TOGARAM2: variants seen among roughly 807,000 people sequenced by gnomAD.
TOGARAM2 encodes the protein TOG array regulator of axonemal microtubules protein 2.
A neutral mutation model predicts 93.3 loss-of-function variants in TOGARAM2; 85 were observed. That is an observed-to-expected ratio of 0.91 (90% CI 0.76 to 1.09). The LOEUF (loss-of-function observed/expected upper bound fraction) is 1.09, where lower values mean the gene tolerates loss of function less well. Among genes scored for constraint, TOGARAM2 ranks in the 50% least tolerant of loss-of-function variants. The probability of loss-of-function intolerance (pLI) is 0.00; values close to 1 mark genes in which losing one functional copy is unlikely to be tolerated. For missense variants in TOGARAM2, 1,277 were observed against 1,334.5 expected (o/e 0.96, Z 0.67); for synonymous variants, 593 against 552.8 (o/e 1.07, Z -1.02).
At chr2:29,032,744 T>C in intron 14 of TOGARAM2, 190 bp from the exon 15 acceptor site, 1 of 528,804 alleles carries the variant, frequency 1.9e-6, no homozygotes, top group Non-Finnish European at 3.3e-6. Flanking sequence ...ATAGGGATTT[T>C]CTCTTGGTAA....
chr2:29,027,037 G>C (rs11884174), intron 14 of TOGARAM2, 26 bp downstream of exon 14: 331,660 of 1,526,456 alleles, frequency 0.22, 37,699 homozygotes, highest in Middle Eastern at 0.27. Context: ...GGGCCTGGGG[G>C]CAGAGAAGGC....
chr2:29,048,678 CT>C lies in TOGARAM2; in HGVS notation c.2723-3060del, dbSNP rs527610174. The C allele has an allele frequency of 5.5e-3, 717 of 129,454 alleles. 3 individuals carry two copies. Among genetic ancestry groups the C allele is most frequent in the East Asian group, 0.031 (143 of 4,580 alleles). 8.0% of individuals were successfully genotyped at this position (129,454 alleles called of 1,614,324 possible). On this transcript the variant is annotated intron_variant, in intron 19 of 19. Coordinates refer to ENST00000379558, the MANE Select transcript of TOGARAM2 (RefSeq NM_199280.4). ...TGTAGCGGGTGTCAGAATTTCCTTC[CT>C]TTTTTTTTTTTTTTTTTCAGAGAGA...
chr2:29,048,845 ATTT>A (rs35220823), intron 19 of TOGARAM2: 10 of 98,640 alleles, frequency 1.0e-4, no homozygotes, highest in Admixed American at 4.7e-4. Flanking sequence ...CACCCAGCTA[ATTT>A]TTTTTTTTTT....
Position 29,036,569 on chromosome 2 carries a change from A to G in TOGARAM2, c.2447A>G (p.Gln816Arg). 1 of 1,614,012 alleles carries G rather than the reference A, an allele frequency of 6.2e-7. No individual in the cohort carries two copies. Among genetic ancestry groups the G allele is most frequent in the Non-Finnish European group, 8.5e-7 (1 of 1,179,890 alleles). The change falls in exon 18 of 20, where the codon CAG becomes CGG. Residue 816 changes from glutamine to arginine, a missense_variant. Coordinates refer to ENST00000379558, the MANE Select transcript of TOGARAM2 (RefSeq NM_199280.4). ...TTTGATGCTTTCACCCCAAGGCTTCAGGATTCCAACAAGAAAGTGAACCAG... is the reference window on the plus strand; with the variant it reads ...TTTGATGCTTTCACCCCAAGGCTTCGGGATTCCAACAAGAAAGTGAACCAG... ...QVFDAFTPRL[Q>R]DSNKKVNQWA... is the part of the protein sequence containing the mutation.
chr2:29,017,374 T>G (rs1288227316), intron 9 of TOGARAM2, 70 bp downstream of exon 9: 1 of 1,367,132 alleles, frequency 7.3e-7, no homozygotes, highest in East Asian at 2.7e-5. Flanking sequence ...AGCCTGCTGA[T>G]GGGCCCATTT....
chr2:29,003,599 C>T lies in TOGARAM2; in HGVS notation c.747C>T (p.Thr249=). 6.3e-7 allele frequency: 1 copy of T among 1,594,514 alleles called. No homozygotes were observed. The highest frequency in any genetic ancestry group is 2.3e-5 in the East Asian group (1 of 42,878). ...CAAAGGCCAGGACGGTTGCAGCGAC[C>T]CCCTCCCGTGTGCCTGGCTCCCTTC... is the stretch of plus-strand genomic sequence containing the variant. ...PIPKARTVAA[T]PSRVPGSLPS... The change falls in exon 6 of 20, where the codon ACC becomes ACT. Residue 249 remains threonine, a synonymous_variant. Transcript: ENST00000379558.
chr2:29,009,374 G>A (rs1397255997), intron 6 of TOGARAM2, among the ~76,000 whole-genome samples: 1 of 152,212 alleles, frequency 6.6e-6, no homozygotes, highest in Non-Finnish European at 1.5e-5. Flanking sequence ...GGGTGTGAAA[G>A]TGGCATCTGC....
At chr2:29,031,654 A>T (rs1235314982) in intron 14 of TOGARAM2, among the ~76,000 whole-genome samples, 2 of 152,252 alleles carry the variant, frequency 1.3e-5, no homozygotes, top group Non-Finnish European at 2.9e-5. Flanking sequence ...GGAATGACCA[A>T]GTCCCACATT....
chr2:29,003,267 A>G (rs977614633), intron 5 of TOGARAM2, among the ~76,000 whole-genome samples: 2 of 152,240 alleles, frequency 1.3e-5, no homozygotes, highest in Non-Finnish European at 2.9e-5. Flanking sequence ...CTGATGTTCT[A>G]GGATTTTTCT....
In TOGARAM2 at chr2:29,018,054, C is replaced by T. The variant is rs183055068; in HGVS notation, c.1360+98C>T. 13,395 of 1,364,686 alleles carry T rather than the reference C, an allele frequency of 9.8e-3. 95 individuals are homozygous for T. Among genetic ancestry groups the T allele is most frequent in the Non-Finnish European group, 0.011 (11,280 of 1,027,352 alleles). 84.5% of individuals were successfully genotyped at this position (1,364,686 alleles called of 1,614,324 possible). ...GAGGTGACCTCGGTGGCTTTGCTTCCGCCCCTTGTCCATGTTAGACCAGGA... is the reference window on the plus strand; with the variant it reads ...GAGGTGACCTCGGTGGCTTTGCTTCTGCCCCTTGTCCATGTTAGACCAGGA... On this transcript the variant is annotated intron_variant, in intron 10 of 19. Coordinates refer to ENST00000379558, the MANE Select transcript of TOGARAM2 (RefSeq NM_199280.4).
intron 11 of TOGARAM2, 60 bp from the exon 12 acceptor site, chr2:29,023,026 A>C (rs1665064389): frequency 6.8e-7 from 1 of 1,472,382 alleles, no homozygotes. Flanking sequence ...CCTAGTCTGC[A>C]GAGGGGTGGG....
At chr2:29,005,033 AGTGCATGTGTGTGCAT>A (rs1391748643) in intron 6 of TOGARAM2, among the ~76,000 whole-genome samples, 2 of 46,112 alleles carry the variant, frequency 4.3e-5, no homozygotes, top group African/African-American at 1.2e-4. Context: ...CATGTATGTG[AGTGCATGTGTGTGCAT>A]GTGTATGTGT....
At chr2:29,014,315 G>A (rs1664421279) in intron 7 of TOGARAM2, 80 bp from the exon 8 acceptor site, 1 of 1,503,704 alleles carries the variant, frequency 6.7e-7, no homozygotes, top group African/African-American at 1.4e-5. Flanking sequence ...CTTAGCAGTA[G>A]AATTGAGCCA....
At chr2:28,962,604 T>C (rs1671816515) in intron 1 of TOGARAM2, among the ~76,000 whole-genome samples, 1 of 152,160 alleles carries the variant, frequency 6.6e-6, no homozygotes, top group Admixed American at 6.6e-5. Flanking sequence ...ATGCCACAAG[T>C]TGTTTATCCC....
chr2:29,033,180 C>A, intron 15 of TOGARAM2, 129 bp downstream of exon 15: 3 of 753,316 alleles, frequency 4.0e-6, no homozygotes, highest in South Asian at 1.7e-5. Context: ...ATCCACTACT[C>A]CTGATAGGTG....
chr2:29,043,600 C>A (rs550452388), intron 18 of TOGARAM2, among the ~76,000 whole-genome samples: 31 of 152,312 alleles, frequency 2.0e-4, no homozygotes, highest in African/African-American at 6.7e-4. Flanking sequence ...CCTGCCCTCA[C>A]CTACCTGACA....
At chr2:28,962,997 AT>A (rs1369571034) in intron 1 of TOGARAM2, among the ~76,000 whole-genome samples, 1 of 149,354 alleles carries the variant, frequency 6.7e-6, no homozygotes, top group African/African-American at 2.5e-5. Flanking sequence ...TAATTTTTAA[AT>A]TTTGTTTTTT....
At chr2:29,023,320 C>G in intron 12 of TOGARAM2, 129 bp downstream of exon 12, 1 of 743,842 alleles carries the variant, frequency 1.3e-6, no homozygotes, top group Non-Finnish European at 2.2e-6. Flanking sequence ...CAGCCTTCAG[C>G]CACTGAGGTA....
chr2:28,970,306 G>T (rs967322718), intron 1 of TOGARAM2, among the ~76,000 whole-genome samples: 7 of 152,180 alleles, frequency 4.6e-5, no homozygotes, highest in African/African-American at 7.2e-5. Context: ...GATAAGCTGG[G>T]TTTTAATCCT....
Sources: allele counts gnomAD v4.1 joint callset (sites outside exome capture counted in the v4.1 genomes callset), GRCh38; gene constraint gnomAD v4.1.1; transcripts MANE v1.5; gene names NCBI Gene and HGNC (gene_info 2026-07-23, HGNC 2026-07-21).